NFU1: variants seen among roughly 807,000 people sequenced by gnomAD.
NFU1 encodes the protein NFU1 iron-sulfur cluster scaffold.
A neutral mutation model predicts 32.2 loss-of-function variants in NFU1; 30 were observed. That is an observed-to-expected ratio of 0.93 (90% CI 0.70 to 1.26). The LOEUF is 1.26. Ranked by LOEUF, NFU1 falls within the 50% of genes most tolerant of loss-of-function variation. NFU1 has a pLI of 0.00. For missense variants in NFU1, 306 were observed against 306.6 expected (o/e 1.00, Z 0.02); for synonymous variants, 112 against 104.6 (o/e 1.07, Z -0.43).
chr2:69,438,424 T>TAGC (rs1032996448), upstream of NFU1, among the ~76,000 whole-genome samples: 2 of 152,038 alleles, frequency 1.3e-5, no homozygotes, highest in Non-Finnish European at 2.9e-5. Flanking sequence ...TGGCTTTTAT[T>TAGC]AGCAGTAGTA....
intron 7 of NFU1, among the ~76,000 whole-genome samples, chr2:69,398,870 T>C (rs1190517459): frequency 1.3e-5 from 2 of 152,110 alleles, no homozygotes; most frequent in African/African-American, 4.8e-5. Flanking sequence ...TGAATTTTAA[T>C]ACTACCCAAG....
intron 3 of NFU1, among the ~76,000 whole-genome samples, chr2:69,422,609 T>C (rs894696748): frequency 1.2e-5 from 1 of 81,262 alleles, no homozygotes; most frequent in African/African-American, 9.5e-5. Context: ...ATCAATTTGA[T>C]GAATATTTTT....
intron 6 of NFU1, among the ~76,000 whole-genome samples, chr2:69,403,298 G>A (rs925283278): frequency 1.3e-5 from 2 of 152,040 alleles, no homozygotes; most frequent in Non-Finnish European, 2.9e-5. Flanking sequence ...CAACACTTTT[G>A]AGTTTATATT....
intron 1 of NFU1, among the ~76,000 whole-genome samples, chr2:69,434,793 C>A (rs1383146466): frequency 6.6e-6 from 1 of 152,118 alleles, no homozygotes; most frequent in African/African-American, 2.4e-5. Context: ...ATGGAGCCAG[C>A]TGAAAGGGAG....
chr2:69,420,262 T>G lies in NFU1; in HGVS notation c.303-658A>C, dbSNP rs1409285734. Among the ~76,000 whole-genome samples, 9 of 152,114 alleles carry G rather than the reference T, an allele frequency of 5.9e-5. No homozygotes were observed. In the East Asian group the frequency reaches 1.5e-3, roughly 26 times the overall value. Reference sequence around the variant, plus strand: ...CAGGTGATCCACCCACCTCCCAAAGTGCTGGGATTACAGGCATGAGCCACC... The same window carrying G: ...CAGGTGATCCACCCACCTCCCAAAGGGCTGGGATTACAGGCATGAGCCACC... On this transcript the variant is annotated intron_variant, in intron 3 of 7. Transcript: ENST00000410022.
chr2:69,407,152 C>A (rs1672721338), intron 5 of NFU1, among the ~76,000 whole-genome samples: 1 of 152,004 alleles, frequency 6.6e-6, no homozygotes, highest in African/African-American at 2.4e-5. Flanking sequence ...ACAGACTAAT[C>A]CGGTTGCCCA....
chr2:69,402,386 G>C (rs1002431888), intron 6 of NFU1, among the ~76,000 whole-genome samples: 1 of 152,074 alleles, frequency 6.6e-6, no homozygotes, highest in Non-Finnish European at 1.5e-5. Flanking sequence ...ACAGTGGCAT[G>C]ATCACAGCTC....
chr2:69,398,302 A>C (rs1558803940), intron 7 of NFU1, among the ~76,000 whole-genome samples: 1 of 152,160 alleles, frequency 6.6e-6, no homozygotes, highest in Non-Finnish European at 1.5e-5. Context: ...CAAAAACAGA[A>C]GCTTTGGACC....
intron 2 of NFU1, among the ~76,000 whole-genome samples, chr2:69,427,111 C>T (rs1283308149): frequency 1.2e-4 from 18 of 146,380 alleles, no homozygotes; most frequent in Admixed American, 1.1e-3. Flanking sequence ...TCTGGCCAGG[C>T]GTGGTGGCTC....
intron 5 of NFU1, among the ~76,000 whole-genome samples, chr2:69,411,961 A>C (rs1672895228): frequency 6.6e-6 from 1 of 152,160 alleles, no homozygotes; most frequent in Non-Finnish European, 1.5e-5. Flanking sequence ...GCGGTGGTTC[A>C]TGCTTATAAT....
chr2:69,438,970 C>G (rs1242368463), upstream of NFU1, among the ~76,000 whole-genome samples: 1 of 148,330 alleles, frequency 6.7e-6, no homozygotes, highest in Non-Finnish European at 1.5e-5. Flanking sequence ...GACCCTCAAT[C>G]AAAAATAAAA....
intron 7 of NFU1, among the ~76,000 whole-genome samples, 186 bp from the exon 8 acceptor site, chr2:69,396,476 T>C (rs927182188): frequency 6.6e-6 from 1 of 151,804 alleles, no homozygotes; most frequent in Non-Finnish European, 1.5e-5. Flanking sequence ...CCTAAAAACA[T>C]AAAAGCAACC....
At chr2:69,416,421 T>C (rs1335961605) in intron 4 of NFU1, among the ~76,000 whole-genome samples, 3 of 150,020 alleles carry the variant, frequency 2.0e-5, no homozygotes, top group Non-Finnish European at 3.0e-5. Context: ...TTGATTTAAA[T>C]GATTAAAAGA....
intron 5 of NFU1, among the ~76,000 whole-genome samples, chr2:69,407,740 G>A (rs766163844): frequency 6.7e-6 from 1 of 150,022 alleles, no homozygotes. Context: ...AGGGCTGGGC[G>A]CAGTGGTTCC....
At chr2:69,437,501 C>A (rs752340010), upstream of NFU1, 9 of 1,537,590 alleles carry the variant, frequency 5.9e-6, no homozygotes, top group African/African-American at 2.7e-5. Context: ...GGTAGCTGGG[C>A]GGGCACTGGG....
At chr2:69,439,494 C>T (rs72833923), upstream of NFU1, among the ~76,000 whole-genome samples, 43 of 152,188 alleles carry the variant, frequency 2.8e-4, 3 homozygotes, top group East Asian at 7.5e-3. Context: ...AAAGAGTGAG[C>T]CACATCAAGA....
upstream of NFU1, among the ~76,000 whole-genome samples, chr2:69,438,197 C>T (rs529347752): frequency 1.3e-5 from 2 of 151,810 alleles, no homozygotes; most frequent in South Asian, 2.1e-4. Flanking sequence ...CCACTTTATA[C>T]TTACTGAGGC....
chr2:69,412,603 T>C (rs1672921990), intron 5 of NFU1, among the ~76,000 whole-genome samples: 1 of 152,056 alleles, frequency 6.6e-6, no homozygotes, highest in African/African-American at 2.4e-5. Flanking sequence ...GTCAGGCTGG[T>C]CTCGAACTCC....
At chr2:69,406,322 C>T (rs1444811988) in intron 5 of NFU1, among the ~76,000 whole-genome samples, 1 of 152,120 alleles carries the variant, frequency 6.6e-6, no homozygotes, top group Non-Finnish European at 1.5e-5. Context: ...AAGATGAGTA[C>T]ACTAAAACAT....
Sources: allele counts gnomAD v4.1 joint callset (sites outside exome capture counted in the v4.1 genomes callset), GRCh38; gene constraint gnomAD v4.1.1; transcripts MANE v1.5; gene names NCBI Gene and HGNC (gene_info 2026-07-23, HGNC 2026-07-21).